The following TEAD4 variants were observed in gnomAD, a reference collection of about 807,000 sequenced individuals.
The protein encoded by TEAD4 is transcriptional enhancer factor TEF-3.
Under a neutral mutation model 52.4 loss-of-function variants are expected in TEAD4, and 36 were observed. The observed-to-expected ratio is 0.69, with a 90% confidence interval of 0.53 to 0.91. TEAD4 has a LOEUF of 0.91. TEAD4 is among the 40% of genes least tolerant of loss of function. TEAD4 has a pLI of 0.00. For missense variants in TEAD4, 508 were observed against 583.9 expected, an observed-to-expected ratio of 0.87 and a Z score of 1.34; for synonymous variants, 220 against 231.0, an observed-to-expected ratio of 0.95 and a Z score of 0.43.
At chr12:3,029,259 ATGAAG>A (rs2098273984) in intron 10 of TEAD4, among the ~76,000 whole-genome samples, 2 of 95,676 alleles carry the variant, frequency 2.1e-5, no homozygotes, top group South Asian at 3.4e-4. Flanking sequence ...TTTTTTTGAG[ATGAAG>A]TCTCACTCTG....
chr12:2,986,279 G>A (rs1404723210), intron 2 of TEAD4, among the ~76,000 whole-genome samples: 8 of 152,004 alleles, frequency 5.3e-5, no homozygotes, highest in South Asian at 4.2e-4. Context: ...AATGCCTCCC[G>A]AAGGGCCTGC....
In TEAD4 at chr12:3,040,394, C is replaced by G; in HGVS notation, c.1221C>G (p.Thr407=). 1 of 1,614,190 alleles carries G rather than the reference C, an allele frequency of 6.2e-7. No individual in the cohort carries two copies. The highest frequency in any genetic ancestry group is 8.5e-7 in the Non-Finnish European group (1 of 1,180,036). ...TCACCAACAGAGACACACAGGAGACCTTGCTGTGCATTGCCTATGTCTTTG... is the reference window on the plus strand; with the variant it reads ...TCACCAACAGAGACACACAGGAGACGTTGCTGTGCATTGCCTATGTCTTTG... The change falls in exon 13 of 13, where the codon ACC becomes ACG. Residue 407 remains threonine (T), a synonymous_variant. Coordinates refer to ENST00000359864, the MANE Select transcript of TEAD4 (RefSeq NM_003213.4).
rs573736324 is a variant in TEAD4 at position 2,981,165 on chromosome 12, C to T, written c.-29-13573C>T. On this transcript the variant is annotated intron_variant, in intron 2 of 12. Coordinates refer to ENST00000359864, the MANE Select transcript of TEAD4 (RefSeq NM_003213.4). The stretch of plus-strand genomic sequence containing the variant: ...AACGTGTGTCCCTCAGTGTCCAGGG[C>T]ACCTCTTTGACACTCAGCCCTCCCA... Among the ~76,000 whole-genome samples, 3 of 152,322 alleles carry T rather than the reference C, an allele frequency of 2.0e-5. No homozygotes were observed. The East Asian group carries it at 5.8e-4, about 29-fold the overall frequency.
chr12:2,997,585 G>A (rs780249634), intron 3 of TEAD4, among the ~76,000 whole-genome samples: 1 of 151,792 alleles, frequency 6.6e-6, no homozygotes, highest in African/African-American at 2.4e-5. Flanking sequence ...GGGAGCTGTG[G>A]TGTATGTCCT....
At chr12:3,000,336 C>T (rs1048277993) in intron 3 of TEAD4, among the ~76,000 whole-genome samples, 3 of 152,194 alleles carry the variant, frequency 2.0e-5, no homozygotes, top group Admixed American at 6.5e-5. Context: ...CTTACAGTTA[C>T]AGAGGCTGGG....
At chr12:2,978,671 T>G (rs1056981918) in intron 2 of TEAD4, among the ~76,000 whole-genome samples, 11 of 152,204 alleles carry the variant, frequency 7.2e-5, no homozygotes, top group African/African-American at 2.6e-4. Flanking sequence ...CCCAGAGTGC[T>G]GGGATTACGG....
chr12:2,961,114 T>C (rs1415651358), intron 2 of TEAD4, among the ~76,000 whole-genome samples: 1 of 152,074 alleles, frequency 6.6e-6, no homozygotes, highest in African/African-American at 2.4e-5. Context: ...TTTGTCGGGG[T>C]GGATCCCCGG....
intron 2 of TEAD4, among the ~76,000 whole-genome samples, chr12:2,992,123 AT>A (rs1174176821): frequency 6.9e-6 from 1 of 145,414 alleles, no homozygotes; most frequent in African/African-American, 2.5e-5. Flanking sequence ...GGTTCAAGTG[AT>A]TCTCTGGCCT....
chr12:2,997,806 G>A (rs897294986), intron 3 of TEAD4, among the ~76,000 whole-genome samples: 6 of 83,242 alleles, frequency 7.2e-5, no homozygotes, highest in South Asian at 7.2e-4. Flanking sequence ...TTGCTTTTTC[G>A]GGGGGGGGGT....
chr12:2,960,203 G>T, intron 2 of TEAD4, 163 bp downstream of exon 2: 1 of 776,178 alleles, frequency 1.3e-6, no homozygotes, highest in Non-Finnish European at 1.6e-6. Flanking sequence ...GCGGGTAAGG[G>T]GGGTGGACAC....
At chr12:2,961,668 G>C (rs1400609384) in intron 2 of TEAD4, among the ~76,000 whole-genome samples, 1 of 152,104 alleles carries the variant, frequency 6.6e-6, no homozygotes, top group East Asian at 1.9e-4. Flanking sequence ...CTTGTGAAAA[G>C]TCGATGTCTG....
chr12:2,996,193 G>A (rs1401238689), intron 3 of TEAD4, among the ~76,000 whole-genome samples: 1 of 152,064 alleles, frequency 6.6e-6, no homozygotes, highest in Non-Finnish European at 1.5e-5. Context: ...GCCCCTGCCT[G>A]GCTTCCAACA....
At chr12:3,021,771 C>G (rs1029060869) in intron 9 of TEAD4, 73 bp from the exon 10 acceptor site, 18 of 1,522,388 alleles carry the variant, frequency 1.2e-5, no homozygotes, top group Non-Finnish European at 1.6e-5. Context: ...ACGTGGTGGG[C>G]ACGCAGAGCC....
chr12:2,989,592 C>T (rs543053221), intron 2 of TEAD4, among the ~76,000 whole-genome samples: 1 of 152,148 alleles, frequency 6.6e-6, no homozygotes, highest in Non-Finnish European at 1.5e-5. Flanking sequence ...GCGCCCACCA[C>T]CACGCCCAGC....
At chr12:2,969,869 A>G (rs1262982460) in intron 2 of TEAD4, among the ~76,000 whole-genome samples, 1 of 152,238 alleles carries the variant, frequency 6.6e-6, no homozygotes, top group Non-Finnish European at 1.5e-5. Context: ...AGTGGCTATC[A>G]GTGCAGACTC....
chr12:3,005,894 T>G (rs908122946), intron 3 of TEAD4, among the ~76,000 whole-genome samples: 10 of 152,262 alleles, frequency 6.6e-5, no homozygotes, highest in African/African-American at 2.4e-4. Context: ...TGCCTCAGGC[T>G]CCCAAAGTGC....
chr12:2,969,574 G>A (rs1398939134), intron 2 of TEAD4, among the ~76,000 whole-genome samples: 1 of 152,206 alleles, frequency 6.6e-6, no homozygotes, highest in Non-Finnish European at 1.5e-5. Flanking sequence ...CTGGGCCTCA[G>A]TTTCTCCACA....
Position 3,020,338 on chromosome 12 carries a change from G to A in TEAD4, c.584-296G>A, listed in dbSNP as rs372009718. Among the ~76,000 whole-genome samples the A allele has an allele frequency of 7.2e-5, 11 of 152,176 alleles. No homozygotes were observed. In the East Asian group the frequency reaches 1.2e-3, roughly 16 times the overall value. ...ACAGTGCCTGTTCTGGAAGCCTCTC[G>A]GTCCTGCAGGGCCCCAGCTGCCCTC... On this transcript the variant is annotated intron_variant, in intron 8 of 12. Coordinates refer to ENST00000359864, the MANE Select transcript of TEAD4 (RefSeq NM_003213.4).
intron 3 of TEAD4, among the ~76,000 whole-genome samples, chr12:3,008,277 C>A (rs2098257497): frequency 6.6e-6 from 1 of 152,082 alleles, no homozygotes; most frequent in Admixed American, 6.6e-5. Context: ...TGGTGTGGGA[C>A]TCTGGGGCAG....
Sources: gnomAD v4.1 joint callset for allele counts (sites outside exome capture counted in the v4.1 genomes callset) on GRCh38, gnomAD v4.1.1 for gene constraint, MANE v1.5 for transcripts, NCBI Gene and HGNC (gene_info 2026-07-23, HGNC 2026-07-21) for gene names.